Variants in GARNL3 observed in about 807,000 individuals in gnomAD.
The protein encoded by GARNL3 is GTPase activating Rap/RanGAP domain like 3.
GARNL3 carries 63 observed loss-of-function variants against 125.0 expected under a neutral mutation model. That is an observed-to-expected ratio of 0.50 (90% CI 0.41 to 0.62). The LOEUF (loss-of-function observed/expected upper bound fraction) is 0.62, where lower values mean the gene tolerates loss of function less well. Among genes scored for constraint, GARNL3 ranks in the 20% least tolerant of loss-of-function variants. GARNL3 has a pLI of 0.00. For synonymous variants in GARNL3, 439 were observed against 457.5 expected (o/e 0.96, Z 0.52); for missense variants, 994 against 1,244.0 (o/e 0.80, Z 3.02).
At chr9:127,390,285 C>T (rs1047540217) in intron 26 of GARNL3, among the ~76,000 whole-genome samples, 14 of 152,178 alleles carry the variant, frequency 9.2e-5, no homozygotes, top group African/African-American at 2.9e-4. Flanking sequence ...TTTAATGCAG[C>T]CTTCCATATC....
chr9:127,387,460 T>A, intron 25 of GARNL3, 129 bp downstream of exon 25: 1 of 954,348 alleles, frequency 1.0e-6, no homozygotes, highest in Non-Finnish European at 1.5e-6. Flanking sequence ...AAAAAGAAAC[T>A]AGCTGAGCGT....
intron 2 of GARNL3, among the ~76,000 whole-genome samples, chr9:127,251,944 A>T (rs751793558): frequency 2.0e-5 from 3 of 152,174 alleles, no homozygotes; most frequent in Non-Finnish European, 4.4e-5. Flanking sequence ...AGAGATGGAG[A>T]TAGAGATGAG....
Position 127,381,158 on chromosome 9 carries a change from G to A in GARNL3, c.2162-2280G>A, listed in dbSNP as rs965786270. Among the ~76,000 whole-genome samples the A allele has an allele frequency of 4.6e-5, 7 of 152,298 alleles. No individual in the cohort carries two copies. The East Asian group carries it at 1.2e-3, about 25-fold the overall frequency. ...TCCCAAAAGTGCTGGGATTACAGGC[G>A]AGAGCCACTACACCTGCCCGAATTG... is the stretch of plus-strand genomic sequence containing the variant. On this transcript the variant is annotated intron_variant, in intron 22 of 27. Transcript: ENST00000373387.
At chr9:127,323,340 T>C (rs2065459955) in intron 6 of GARNL3, among the ~76,000 whole-genome samples, 1 of 152,192 alleles carries the variant, frequency 6.6e-6, no homozygotes, top group Non-Finnish European at 1.5e-5. Flanking sequence ...GACTATTCGC[T>C]TCTGAACAAA....
intron 1 of GARNL3, chr9:127,243,039 T>C: frequency 1.5e-6 from 2 of 1,315,478 alleles, no homozygotes; most frequent in Admixed American, 4.5e-5. Flanking sequence ...CTGCCGTTCT[T>C]CTCTGTCTCT....
At chr9:127,342,419 T>C (rs1829910239) in intron 14 of GARNL3, 85 bp downstream of exon 14, 1 of 907,236 alleles carries the variant, frequency 1.1e-6, no homozygotes, top group African/African-American at 1.7e-5. Flanking sequence ...GAGGCCCTGG[T>C]GAGAAAAGCG....
intron 16 of GARNL3, among the ~76,000 whole-genome samples, chr9:127,346,311 C>A (rs2131627394): frequency 6.6e-6 from 1 of 152,212 alleles, no homozygotes; most frequent in African/African-American, 2.4e-5. Flanking sequence ...ATTATAAAAG[C>A]AAAATAATTA....
intron 22 of GARNL3, among the ~76,000 whole-genome samples, chr9:127,380,524 G>T (rs1157038466): frequency 6.6e-6 from 1 of 152,026 alleles, no homozygotes; most frequent in African/African-American, 2.4e-5. Flanking sequence ...ATAGCAAAAA[G>T]CAGAAACAAC....
intron 1 of GARNL3, among the ~76,000 whole-genome samples, chr9:127,284,689 T>TTG (rs1318302951): frequency 1.3e-5 from 2 of 151,854 alleles, no homozygotes; most frequent in East Asian, 3.8e-4. Context: ...ACTGTTCTTA[T>TTG]TGTTGTTCAC....
At chr9:127,231,042 A>ATTTT (rs1564835250) in intron 1 of GARNL3, among the ~76,000 whole-genome samples, 1 of 46,572 alleles carries the variant, frequency 2.1e-5, no homozygotes, top group Non-Finnish European at 3.7e-5. Context: ...ATACATATAT[A>ATTTT]TATATATATT....
At chr9:127,360,677 G>C (rs1288804785) in intron 21 of GARNL3, among the ~76,000 whole-genome samples, 1 of 152,202 alleles carries the variant, frequency 6.6e-6, no homozygotes, top group African/African-American at 2.4e-5. Context: ...CACAGCGTAG[G>C]TCATTGGAAT....
intron 2 of GARNL3, among the ~76,000 whole-genome samples, chr9:127,306,342 G>A (rs990839582): frequency 6.6e-6 from 1 of 152,148 alleles, no homozygotes; most frequent in African/African-American, 2.4e-5. Context: ...CAGCACTTTG[G>A]GAGGCTGAGG....
At chr9:127,308,948 A>G (rs1358479019) in intron 2 of GARNL3, among the ~76,000 whole-genome samples, 3 of 152,194 alleles carry the variant, frequency 2.0e-5, no homozygotes, top group African/African-American at 4.8e-5. Flanking sequence ...CAGTAGGTAA[A>G]TCTGGTAAGT....
intron 4 of GARNL3, among the ~76,000 whole-genome samples, chr9:127,317,021 G>A (rs2065258740): frequency 6.6e-6 from 1 of 152,144 alleles, no homozygotes; most frequent in Admixed American, 6.5e-5. Context: ...TTAAATGTGT[G>A]GTATATGATA....
intron 1 of GARNL3, among the ~76,000 whole-genome samples, chr9:127,237,882 A>G (rs1009701278): frequency 3.3e-5 from 5 of 152,240 alleles, no homozygotes; most frequent in African/African-American, 1.2e-4. Flanking sequence ...AGTATTCCCC[A>G]GTGTCAGTTC....
At chr9:127,282,931 G>A (rs2064142156) in intron 1 of GARNL3, among the ~76,000 whole-genome samples, 1 of 152,090 alleles carries the variant, frequency 6.6e-6, no homozygotes, top group African/African-American at 2.4e-5. Context: ...TTTATTTATA[G>A]TTAATAACAT....
intron 11 of GARNL3, 91 bp from the exon 12 acceptor site, chr9:127,338,025 C>T (rs1829646966): frequency 5.2e-6 from 5 of 954,738 alleles, no homozygotes; most frequent in Admixed American, 1.7e-5. Flanking sequence ...AAGCGCTGGT[C>T]GAGAATGACT....
chr9:127,238,399 G>T (rs1231147721), intron 1 of GARNL3, among the ~76,000 whole-genome samples: 1 of 152,172 alleles, frequency 6.6e-6, no homozygotes, highest in Non-Finnish European at 1.5e-5. Context: ...TGTGAAGTAG[G>T]CTACGTTTCT....
At chr9:127,388,575 A>G (rs1195238200) in intron 25 of GARNL3, 1 of 355,082 alleles carries the variant, frequency 2.8e-6, no homozygotes, top group African/African-American at 2.1e-5. Flanking sequence ...AATTCTTACC[A>G]CATCACTCAT....
Sources: gnomAD v4.1 joint callset for allele counts (sites outside exome capture counted in the v4.1 genomes callset) on GRCh38, gnomAD v4.1.1 for gene constraint, MANE v1.5 for transcripts, NCBI Gene and HGNC (gene_info 2026-07-23, HGNC 2026-07-21) for gene names.